Variants in SPART observed in about 807,000 individuals in gnomAD.
SPART encodes spartin.
Under a neutral mutation model 58.7 loss-of-function variants are expected in SPART, and 35 were observed. That is an observed-to-expected ratio of 0.60 (90% CI 0.46 to 0.79). The LOEUF (loss-of-function observed/expected upper bound fraction) is 0.79, where lower values mean the gene tolerates loss of function less well. SPART is among the 30% of genes least tolerant of loss of function. The probability of loss-of-function intolerance (pLI) is 0.00; values close to 1 mark genes in which losing one functional copy is unlikely to be tolerated. For missense variants in SPART, 730 were observed against 786.1 expected (o/e 0.93, Z 0.85); for synonymous variants, 284 against 280.7 (o/e 1.01, Z -0.12).
At chr13:36,340,025 A>G (rs548352433) in intron 1 of SPART, among the ~76,000 whole-genome samples, 100 of 152,254 alleles carry the variant, frequency 6.6e-4, no homozygotes, top group African/African-American at 2.4e-3. Context: ...CTATGATCAC[A>G]CCACTGTACT....
chr13:36,313,889 TACAC>T, intron 6 of SPART: 1 of 312,462 alleles, frequency 3.2e-6, no homozygotes, highest in Non-Finnish European at 6.0e-6. Flanking sequence ...TTTTCAAAGA[TACAC>T]ACATTCTCCT....
chr13:36,312,024 T>C (rs1433222190), intron 8 of SPART, 121 bp downstream of exon 8: 2 of 848,988 alleles, frequency 2.4e-6, no homozygotes, highest in Admixed American at 2.0e-5. Flanking sequence ...GAGGTGGAGG[T>C]TGCAGTGACC....
intron 8 of SPART, among the ~76,000 whole-genome samples, chr13:36,309,201 G>A (rs544376351): frequency 8.8e-5 from 13 of 147,660 alleles, no homozygotes; most frequent in Non-Finnish European, 1.5e-4. Flanking sequence ...CCAAGATTGC[G>A]CCACTGCACT....
intron 1 of SPART, among the ~76,000 whole-genome samples, chr13:36,339,767 A>C (rs1884402268): frequency 6.6e-6 from 1 of 152,094 alleles, no homozygotes; most frequent in Non-Finnish European, 1.5e-5. Context: ...TGAATTTCCT[A>C]ATTTAAAAAG....
At position 36,329,531 on chromosome 13, in the gene SPART, G is replaced by A; in HGVS notation, c.1009-14C>T. The A allele has an allele frequency of 1.2e-6, 2 of 1,613,912 alleles. No homozygotes were observed. The highest frequency in any genetic ancestry group is 1.7e-6 in the Non-Finnish European group (2 of 1,179,886). ...GTTCCAGTTGGCCTAGAGAATAAAG[G>A]TTTAAGCTTAACTCTAATCAGAATT... On this transcript the variant is annotated splice_polypyrimidine_tract_variant and intron_variant, in intron 3 of 8. Coordinates refer to ENST00000438666, the MANE Select transcript of SPART (RefSeq NM_015087.5).
chr13:36,334,254 C>G (rs1353350648), intron 2 of SPART, among the ~76,000 whole-genome samples: 1 of 152,160 alleles, frequency 6.6e-6, no homozygotes, highest in Non-Finnish European at 1.5e-5. Context: ...TTCAGAGTAC[C>G]TCACTAAATC....
intron 1 of SPART, among the ~76,000 whole-genome samples, chr13:36,338,745 A>G (rs1224091242): frequency 1.3e-5 from 2 of 152,216 alleles, no homozygotes; most frequent in South Asian, 4.1e-4. Flanking sequence ...TCTTCCCCAC[A>G]ACTTGGTAAT....
chr13:36,309,831 C>A lies in SPART; in HGVS notation c.1733+2314G>T, dbSNP rs537628454. Among the ~76,000 whole-genome samples the A allele has an allele frequency of 4.3e-4, 65 of 152,280 alleles. 1 individual carries two copies. The highest frequency in any genetic ancestry group is 4.1e-3 in the Admixed American group (62 of 15,294). On this transcript the variant is annotated intron_variant, in intron 8 of 8. Transcript: ENST00000438666. Reference sequence around the variant, plus strand: ...TTGTACCCCAAACCTCAGCATCACACAACAAATTCTATGTAACAAGCCTGC... The same window carrying A: ...TTGTACCCCAAACCTCAGCATCACAAAACAAATTCTATGTAACAAGCCTGC...
At chr13:36,366,537 A>G (rs1593298954) in intron 1 of SPART, among the ~76,000 whole-genome samples, 1 of 152,206 alleles carries the variant, frequency 6.6e-6, no homozygotes, top group East Asian at 1.9e-4. Context: ...GTTATGTGCA[A>G]AGTACTGATG....
intron 3 of SPART, among the ~76,000 whole-genome samples, chr13:36,330,360 T>C (rs1245488417): frequency 1.3e-5 from 2 of 152,138 alleles, no homozygotes; most frequent in African/African-American, 4.8e-5. Flanking sequence ...GCTGCTATGC[T>C]AAAGTATTGG....
At chr13:36,363,251 T>C (rs1885934399) in intron 1 of SPART, among the ~76,000 whole-genome samples, 1 of 152,252 alleles carries the variant, frequency 6.6e-6, no homozygotes, top group Admixed American at 6.5e-5. Flanking sequence ...TCTAGTTGAT[T>C]TTATTTTTCC....
chr13:36,352,157 T>G (rs1459676640), intron 1 of SPART, among the ~76,000 whole-genome samples: 2 of 152,216 alleles, frequency 1.3e-5, no homozygotes, highest in Non-Finnish European at 1.5e-5. Context: ...ATCTCATTAC[T>G]TTTTTCTTTC....
At chr13:36,345,978 C>T (rs1885072153) in intron 1 of SPART, among the ~76,000 whole-genome samples, 1 of 152,190 alleles carries the variant, frequency 6.6e-6, no homozygotes, top group African/African-American at 2.4e-5. Context: ...GTTAAGAGGC[C>T]GAAGCTTCCC....
rs951064943 is a variant in SPART at position 36,333,011 on chromosome 13, C to CTT, written c.811-1417_811-1416dup. ...AAAATAAAACTTAGGAAAGGTTTTT[C>CTT]TTTTTTTTTTCTTTTTTTTAAACTA... On this transcript the variant is annotated intron_variant, in intron 2 of 8. Transcript: ENST00000438666. Among the ~76,000 whole-genome samples, 13 of 147,796 alleles carry CTT rather than the reference C, an allele frequency of 8.8e-5. 1 individual carries two copies. Among genetic ancestry groups the CTT allele is most frequent in the African/African-American group, 7.5e-5 (3 of 40,248 alleles).
intron 1 of SPART, among the ~76,000 whole-genome samples, chr13:36,344,676 T>TA (rs1486980792): frequency 1.2e-4 from 18 of 151,928 alleles, no homozygotes; most frequent in South Asian, 2.1e-4. Context: ...GATGGTGACT[T>TA]AAAAAAAAGC....
chr13:36,355,780 A>G (rs1885599648), intron 1 of SPART, among the ~76,000 whole-genome samples: 1 of 152,140 alleles, frequency 6.6e-6, no homozygotes, highest in Non-Finnish European at 1.5e-5. Context: ...GGGTCGAAAC[A>G]TGACTCATTA....
chr13:36,366,387 A>G (rs144772084), intron 1 of SPART, among the ~76,000 whole-genome samples: 123 of 152,320 alleles, frequency 8.1e-4, no homozygotes, highest in African/African-American at 2.7e-3. Context: ...CTTACCTGGT[A>G]TACCTCCCTG....
At chr13:36,318,724 G>A (rs1350443332) in intron 5 of SPART, among the ~76,000 whole-genome samples, 2 of 152,154 alleles carry the variant, frequency 1.3e-5, no homozygotes, top group African/African-American at 2.4e-5. Flanking sequence ...TACACGTGCC[G>A]GAAATCTGGC....
At chr13:36,305,100 C>G (rs905509589) in intron 8 of SPART, among the ~76,000 whole-genome samples, 2 of 152,102 alleles carry the variant, frequency 1.3e-5, no homozygotes, top group African/African-American at 4.8e-5. Flanking sequence ...AACAGAGATT[C>G]TATGGCATTC....
Sources: allele counts gnomAD v4.1 joint callset (sites outside exome capture counted in the v4.1 genomes callset), GRCh38; gene constraint gnomAD v4.1.1; transcripts MANE v1.5; gene names NCBI Gene and HGNC (gene_info 2026-07-23, HGNC 2026-07-21).